The following DNAAF4 variants were observed in gnomAD, a reference collection of about 807,000 sequenced individuals.
DNAAF4 encodes the protein dynein axonemal assembly factor 4.
A neutral mutation model predicts 51.8 loss-of-function variants in DNAAF4; 43 were observed. The observed-to-expected ratio is 0.83, with a 90% CI of 0.65 to 1.07. The LOEUF is 1.07. Among genes scored for constraint, DNAAF4 ranks in the 50% least tolerant of loss-of-function variants. The pLI is 0.00. For missense variants in DNAAF4, 581 were observed against 493.0 expected (o/e 1.18, Z -1.69); for synonymous variants, 194 against 165.6 (o/e 1.17, Z -1.32).
chr15:55,453,373 C>T (rs568370692), intron 5 of DNAAF4, among the ~76,000 whole-genome samples: 21 of 152,094 alleles, frequency 1.4e-4, no homozygotes, highest in African/African-American at 4.3e-4. Context: ...GAACAATCAG[C>T]AGACACAACA....
At chr15:55,467,842 T>A (rs1452549403) in intron 4 of DNAAF4, among the ~76,000 whole-genome samples, 2 of 152,174 alleles carry the variant, frequency 1.3e-5, no homozygotes, top group Non-Finnish European at 2.9e-5. Flanking sequence ...CTTGTACAGG[T>A]GTGTGGCAAC....
intron 5 of DNAAF4, among the ~76,000 whole-genome samples, chr15:55,460,866 G>GT (rs1292530150): frequency 6.6e-6 from 1 of 151,620 alleles, no homozygotes; most frequent in Admixed American, 6.6e-5. Context: ...TTGGGCTCAA[G>GT]TGATTCTTCT....
intron 1 of DNAAF4, among the ~76,000 whole-genome samples, chr15:55,499,177 G>T (rs770478276): frequency 3.2e-4 from 49 of 152,144 alleles, no homozygotes; most frequent in Non-Finnish European, 5.9e-4. Context: ...GAGCCAATCC[G>T]TCAACATCCA....
At chr15:55,507,542 A>G (rs867074777) in intron 1 of DNAAF4, among the ~76,000 whole-genome samples, 3 of 152,230 alleles carry the variant, frequency 2.0e-5, no homozygotes, top group African/African-American at 7.2e-5. Flanking sequence ...CTGTAAAGTT[A>G]GGAAATCAAA....
chr15:55,443,421 C>T (rs2057746790), intron 6 of DNAAF4: 1 of 600,928 alleles, frequency 1.7e-6, no homozygotes, highest in Admixed American at 3.0e-5. Context: ...CACATTACTG[C>T]CACATTTTCT....
chr15:55,438,991 C>T (rs563448978), intron 7 of DNAAF4, among the ~76,000 whole-genome samples: 1 of 152,088 alleles, frequency 6.6e-6, no homozygotes, highest in African/African-American at 2.4e-5. Context: ...AGCCTCATTG[C>T]CTTGTTATCT....
chr15:55,446,009 G>A (rs1221114750), intron 6 of DNAAF4, among the ~76,000 whole-genome samples: 2 of 145,490 alleles, frequency 1.4e-5, no homozygotes, highest in Non-Finnish European at 3.0e-5. Flanking sequence ...TGGCCGGGCA[G>A]AGGCGCTCCT....
intron 6 of DNAAF4, among the ~76,000 whole-genome samples, chr15:55,447,562 G>A (rs2057853555): frequency 6.6e-6 from 1 of 151,496 alleles, no homozygotes; most frequent in African/African-American, 2.4e-5. Context: ...TCAGGAGCTG[G>A]AGGTCAGGAG....
intron 4 of DNAAF4, among the ~76,000 whole-genome samples, chr15:55,473,345 A>ATGTG (rs1189839503): frequency 7.3e-5 from 10 of 137,292 alleles, no homozygotes; most frequent in South Asian, 6.8e-4. Flanking sequence ...GTGTATATAT[A>ATGTG]TGTGTGTATA....
At chr15:55,464,573 C>T (rs1364325624) in intron 5 of DNAAF4, among the ~76,000 whole-genome samples, 8 of 152,164 alleles carry the variant, frequency 5.3e-5, no homozygotes, top group African/African-American at 1.7e-4. Context: ...GGACTAATAT[C>T]CACAATGTAC....
At chr15:55,428,924 TAAACTA>T (rs1360163683), downstream of DNAAF4, among the ~76,000 whole-genome samples, 3 of 152,024 alleles carry the variant, frequency 2.0e-5, no homozygotes, top group African/African-American at 7.2e-5. Context: ...ATTAGACCTT[TAAACTA>T]AATTTGTTAG....
At chr15:55,436,312 A>G (rs950361242) in intron 7 of DNAAF4, among the ~76,000 whole-genome samples, 2 of 152,036 alleles carry the variant, frequency 1.3e-5, no homozygotes, top group Non-Finnish European at 2.9e-5. Flanking sequence ...ACATCTTTTT[A>G]TATTTACTAG....
chr15:55,499,049 G>T (rs1408277272), intron 1 of DNAAF4, among the ~76,000 whole-genome samples: 1 of 152,114 alleles, frequency 6.6e-6, no homozygotes, highest in African/African-American at 2.4e-5. Context: ...ATGCCCATAC[G>T]CCCTTGGTGC....
At chr15:55,432,041 C>T (rs1042252900) in intron 9 of DNAAF4, among the ~76,000 whole-genome samples, 10 of 151,968 alleles carry the variant, frequency 6.6e-5, no homozygotes, top group East Asian at 3.9e-4. Flanking sequence ...CCACAATCTC[C>T]GCCTCCCGGG....
In DNAAF4 at chr15:55,473,571, T is replaced by C. The variant is rs371964107; in HGVS notation, c.406-6410A>G. ...CTTTCTTACTTAAGGTATTAGGAAA[T>C]CAATAGAGAAAAGCATTATGATGTC... On this transcript the variant is annotated intron_variant, in intron 4 of 9. Coordinates refer to ENST00000321149, the MANE Select transcript of DNAAF4 (RefSeq NM_130810.4). Among the ~76,000 whole-genome samples the C allele has an allele frequency of 8.6e-5, 13 of 151,832 alleles. No individual in the cohort carries two copies. The East Asian group carries it at 1.4e-3, about 16-fold the overall frequency.
intron 4 of DNAAF4, among the ~76,000 whole-genome samples, chr15:55,483,540 G>A (rs1034252335): frequency 2.6e-5 from 4 of 151,880 alleles, no homozygotes; most frequent in African/African-American, 4.8e-5. Context: ...CAATAAAGCT[G>A]GGGTTTGTTT....
chr15:55,456,591 G>A (rs529309995), intron 5 of DNAAF4, among the ~76,000 whole-genome samples: 4 of 152,174 alleles, frequency 2.6e-5, no homozygotes, highest in East Asian at 1.9e-4. Context: ...CAGGAACACC[G>A]CAAGAAACAC....
intron 7 of DNAAF4, among the ~76,000 whole-genome samples, chr15:55,421,080 C>T (rs2057384099): frequency 6.6e-6 from 1 of 150,700 alleles, no homozygotes; most frequent in South Asian, 2.1e-4. Context: ...GTCCCAGCTA[C>T]TTAGGAGGCT....
At chr15:55,491,372 G>A in intron 3 of DNAAF4, 116 bp from the exon 4 acceptor site, 1 of 1,043,250 alleles carries the variant, frequency 9.6e-7, no homozygotes, top group Non-Finnish European at 1.4e-6. Context: ...ACTTCACAAG[G>A]AACATGGAAA....
Sources: gnomAD v4.1 joint callset for allele counts (sites outside exome capture counted in the v4.1 genomes callset) on GRCh38, gnomAD v4.1.1 for gene constraint, MANE v1.5 for transcripts, NCBI Gene and HGNC (gene_info 2026-07-23, HGNC 2026-07-21) for gene names.